HASPIN: variants seen among roughly 807,000 people sequenced by gnomAD.
HASPIN encodes serine/threonine-protein kinase haspin.
In HASPIN, 24 loss-of-function variants were observed where a neutral mutation model predicts 28.8. The observed-to-expected ratio is 0.83, with a 90% CI of 0.60 to 1.17. HASPIN has a LOEUF of 1.17. HASPIN is among the 50% of genes most tolerant of loss of function. The pLI is 0.00. For synonymous variants in HASPIN, 440 were observed against 413.1 expected, an observed-to-expected ratio of 1.07 and a Z score of -0.79; for missense variants, 1,016 against 1,018.5, an observed-to-expected ratio of 1.00 and a Z score of 0.03.
In HASPIN at chr17:3,724,564, T is replaced by C; in HGVS notation, c.629T>C (p.Val210Ala). Reference sequence around the variant, plus strand: ...CCGAGCGGCCTCCACCTCCCAGAAGTCTCCCTGGACCGAGCATCTCTCCCC... The same window carrying C: ...CCGAGCGGCCTCCACCTCCCAGAAGCCTCCCTGGACCGAGCATCTCTCCCC... ...AVPSGLHLPE[V>A]SLDRASLPCS... Residue 210 changes from valine to alanine, a missense_variant, in exon 1 of 1, where the codon GTC becomes GCC. Around this residue, in one of 3 missense-constraint regions of HASPIN, gnomAD observed 881 missense variants for 845.5 expected, o/e 1.04. Coordinates refer to ENST00000325418, the MANE Select transcript of HASPIN (RefSeq NM_031965.2). The C allele has an allele frequency of 1.2e-6, 2 of 1,613,904 alleles. No homozygotes were observed. Among genetic ancestry groups the C allele is most frequent in the South Asian group, 2.2e-5 (2 of 91,066 alleles).
In HASPIN at chr17:3,724,834, G is replaced by A; in HGVS notation, c.899G>A (p.Cys300Tyr). The A allele has an allele frequency of 1.2e-6, 2 of 1,614,144 alleles. No individual in the cohort carries two copies. The highest frequency in any genetic ancestry group is 1.7e-6 in the Non-Finnish European group (2 of 1,180,038). ...GKRRATGQDS[C>Y]QERGLQEAVR... is the part of the protein sequence containing the mutation. Reference sequence around the variant, plus strand: ...AGGAGGGCCACAGGCCAGGACTCTTGTCAAGAGAGAGGGCTTCAAGAGGCC... The same window carrying A: ...AGGAGGGCCACAGGCCAGGACTCTTATCAAGAGAGAGGGCTTCAAGAGGCC... The change falls in exon 1 of 1, where the codon TGT (cysteine) becomes TAT (tyrosine). Residue 300 changes from cysteine (C) to tyrosine (Y), a missense_variant. Around this residue, in one of 3 missense-constraint regions of HASPIN, gnomAD observed 881 missense variants for 845.5 expected, o/e 1.04. Coordinates refer to ENST00000325418, the MANE Select transcript of HASPIN (RefSeq NM_031965.2).
At position 3,724,312 on chromosome 17, in the gene HASPIN, G is replaced by T; in HGVS notation, c.377G>T (p.Cys126Phe). The change falls in exon 1 of 1, where the codon TGC becomes TTC. Residue 126 changes from cysteine to phenylalanine, a missense_variant. This residue lies in a region of HASPIN where 881 missense variants were observed against 845.5 expected (regional missense o/e 1.04). Transcript: ENST00000325418. ...CTGCGAGCTCGGCCCCCGCAGAAGT[G>T]CAGCACACCCTGCGGCCCGCTCCGA... ...LGLRARPPQK[C>F]STPCGPLRLP... 6.3e-7 allele frequency: 1 copy of T among 1,588,276 alleles called. No individual in the cohort carries two copies. The highest frequency in any genetic ancestry group is 1.3e-5 in the African/African-American group (1 of 74,682).
rs1407833321 is a variant in HASPIN at position 3,725,656 on chromosome 17, T to C, written c.1721T>C (p.Leu574Pro). ...CVQGSYPPLL[L>P]KAWDHYNSTK... ...CAGGGATCTTACCCTCCCTTGCTCC[T>C]CAAAGCCTGGGATCACTATAATTCA... The change falls in exon 1 of 1, where the codon CTC becomes CCC. Residue 574 changes from leucine (L) to proline (P), a missense_variant. Physicochemically the swap from Leu to Pro is moderately conservative, Grantham distance 98. This residue lies in a region of HASPIN where 881 missense variants were observed against 845.5 expected (regional missense o/e 1.04). Coordinates refer to ENST00000325418, the MANE Select transcript of HASPIN (RefSeq NM_031965.2). 1 of 1,598,644 alleles carries C rather than the reference T, an allele frequency of 6.3e-7. No homozygotes were observed. Among genetic ancestry groups the C allele is most frequent in the Non-Finnish European group, 8.5e-7 (1 of 1,170,904 alleles).
rs762081185 is a variant in HASPIN, at chr17:3,725,809, C to T, written c.1874C>T (p.Ala625Val). The T allele has an allele frequency of 6.2e-7, 1 of 1,611,374 alleles. No homozygotes were observed. Among genetic ancestry groups the T allele is most frequent in the East Asian group, 2.2e-5 (1 of 44,838 alleles). ...MRTKLSSLATAKSILHQLTAS... is the reference protein window; with the variant it reads ...MRTKLSSLATVKSILHQLTAS... Reference sequence around the variant, plus strand: ...ACCAAGTTGTCTTCCTTGGCTACTGCAAAGAGCATTCTACACCAGCTCACA... The same window carrying T: ...ACCAAGTTGTCTTCCTTGGCTACTGTAAAGAGCATTCTACACCAGCTCACA... The change falls in exon 1 of 1, where the codon GCA becomes GTA. Residue 625 changes from alanine to valine, a missense_variant. Ala to Val is a moderately conservative substitution (Grantham distance 64). This residue lies in a region of HASPIN where 881 missense variants were observed against 845.5 expected (regional missense o/e 1.04). Coordinates refer to ENST00000325418, the MANE Select transcript of HASPIN (RefSeq NM_031965.2).
rs746330551 is a variant in HASPIN, at chr17:3,724,584, C to T, written c.649C>T (p.Leu217Phe). Reference protein sequence around the residue: ...LPEVSLDRASLPCSQEEATGG... With the variant: ...LPEVSLDRASFPCSQEEATGG... ...AGAAGTCTCCCTGGACCGAGCATCT[C>T]TCCCCTGCTCCCAGGAGGAAGCGAC... Residue 217 changes from leucine (L) to phenylalanine (F), a missense_variant, in exon 1 of 1, where the codon CTC becomes TTC. Coordinates refer to ENST00000325418, the MANE Select transcript of HASPIN (RefSeq NM_031965.2). 5.6e-6 allele frequency: 9 copies of T among 1,614,224 alleles called. No homozygotes were observed. Among genetic ancestry groups the T allele is most frequent in the Non-Finnish European group, 6.8e-6 (8 of 1,180,038 alleles).
At position 3,724,496 on chromosome 17, in the gene HASPIN, C is replaced by T; in HGVS notation, c.561C>T (p.Ile187=). The T allele has an allele frequency of 6.2e-7, 1 of 1,614,000 alleles. No individual in the cohort carries two copies. Among genetic ancestry groups the T allele is most frequent in the Admixed American group, 1.7e-5 (1 of 60,036 alleles). Reference sequence around the variant, plus strand: ...CCCCAACGCCAAGGGACAGTGTCATCTCGATCGGCACCTCCGCCTGTCTGG... The same window carrying T: ...CCCCAACGCCAAGGGACAGTGTCATTTCGATCGGCACCTCCGCCTGTCTGG... ...PGSPTPRDSV[I]SIGTSACLVA... Residue 187 remains isoleucine (I), a synonymous_variant, in exon 1 of 1, where the codon ATC becomes ATT. Coordinates refer to ENST00000325418, the MANE Select transcript of HASPIN (RefSeq NM_031965.2).
In HASPIN at chr17:3,726,078, G is replaced by A. The variant is rs376754182; in HGVS notation, c.2143G>A (p.Gly715Ser). 1.1e-5 allele frequency: 17 copies of A among 1,614,168 alleles called. No individual in the cohort carries two copies. In the African/African-American group the frequency reaches 1.1e-4, roughly 10 times the overall value. The change falls in exon 1 of 1, where the codon GGT becomes AGT. Residue 715 changes from glycine (G) to serine (S), a missense_variant. Gly to Ser is a moderately conservative substitution (Grantham distance 56). Coordinates refer to ENST00000325418, the MANE Select transcript of HASPIN (RefSeq NM_031965.2). ...SMDEDLFTGD[G>S]DYQFDIYRLM... is the part of the protein sequence containing the mutation. ...GGATGAGGACCTGTTTACCGGTGAC[G>A]GTGACTACCAGTTTGACATCTACAG...
Position 3,726,340 on chromosome 17 carries a change from G to A in HASPIN, c.*8G>A, listed in dbSNP as rs2051213566. On this transcript the variant is annotated 3_prime_UTR_variant, in exon 1 of 1. Transcript: ENST00000325418. ...CACAGTCTGTTTAAGTAAGCTAAAT[G>A]TATCTTACTGCCCCGAAATGAGAGG... The A allele has an allele frequency of 1.3e-6, 2 of 1,562,962 alleles. No individual in the cohort carries two copies. Among genetic ancestry groups the A allele is most frequent in the South Asian group, 1.1e-5 (1 of 87,614 alleles).
In HASPIN at chr17:3,725,701, A is replaced by T; in HGVS notation, c.1766A>T (p.Asp589Val). 1 of 1,575,926 alleles carries T rather than the reference A, an allele frequency of 6.3e-7. No homozygotes were observed. The highest frequency in any genetic ancestry group is 8.6e-7 in the Non-Finnish European group (1 of 1,161,508). The change falls in exon 1 of 1, where the codon GAC becomes GTC. Residue 589 changes from aspartate to valine, a missense_variant. Coordinates refer to ENST00000325418, the MANE Select transcript of HASPIN (RefSeq NM_031965.2). ...AATTCAACCAAAGGCTCTGCAAATG[A>T]CCGGCCTGATTTTTTTAAAGACGAC... Reference protein sequence around the residue: ...HYNSTKGSANDRPDFFKDDQL... With the variant: ...HYNSTKGSANVRPDFFKDDQL...
Position 3,725,304 on chromosome 17 carries a change from G to T in HASPIN, c.1369G>T (p.Ala457Ser). The change falls in exon 1 of 1, where the codon GCA becomes TCA. Residue 457 changes from alanine to serine, a missense_variant. By Grantham distance (99) the Ala-to-Ser change is moderately conservative. Transcript: ENST00000325418. ...LNTLSISNKKASDAEKVYGEC... is the reference protein window; with the variant it reads ...LNTLSISNKKSSDAEKVYGEC... ...CACTCTAAGTATTTCAAACAAAAAG[G>T]CATCTGATGCTGAAAAGGTTTATGG... 3 of 1,614,164 alleles carry T rather than the reference G, an allele frequency of 1.9e-6. No homozygotes were observed. Among genetic ancestry groups the T allele is most frequent in the Non-Finnish European group, 1.7e-6 (2 of 1,180,032 alleles).
chr17:3,724,087 A>ACGCCAGCATCGG lies in HASPIN; in HGVS notation c.155_166dup (p.Ala52_Gly55dup). Reference sequence around the variant, plus strand: ...TTCTTCAACAGCAGCGGCAGCAGCGACGCCAGCATCGGCGACCCCTCGCAG... The same window carrying ACGCCAGCATCGG: ...TTCTTCAACAGCAGCGGCAGCAGCGACGCCAGCATCGGCGCCAGCATCGGCGACCCCTCGCAG... On this transcript the variant is annotated inframe_insertion, in exon 1 of 1. Transcript: ENST00000325418. 6.3e-7 allele frequency: 1 copy of ACGCCAGCATCGG among 1,595,970 alleles called. No homozygotes were observed. The highest frequency in any genetic ancestry group is 1.7e-4 in the Middle Eastern group (1 of 6,034).
At position 3,724,163 on chromosome 17, in the gene HASPIN, G is replaced by T. The variant is rs745336173; in HGVS notation, c.228G>T (p.Val76=). The change falls in exon 1 of 1, where the codon GTG becomes GTT. Residue 76 remains valine, a synonymous_variant. Transcript: ENST00000325418. ...ACCCCGACTTCCCCGGCAGCCCGGT[G>T]AGGCGGCGGCGGAGGCGTCCCGGCG... ...PDDPDFPGSP[V]RRRRRRPGGR... 1.4e-5 allele frequency: 22 copies of T among 1,593,912 alleles called. No homozygotes were observed. The highest frequency in any genetic ancestry group is 1.9e-5 in the Non-Finnish European group (22 of 1,176,976).
In HASPIN at chr17:3,726,438, G is replaced by T; in HGVS notation, c.*106G>T. ...GGAGGGTGGAACTCCCATTCTCACA[G>T]GTTTCCAGTCAGCTTTTCAAACAAG... On this transcript the variant is annotated 3_prime_UTR_variant, in exon 1 of 1. Coordinates refer to ENST00000325418, the MANE Select transcript of HASPIN (RefSeq NM_031965.2). The T allele has an allele frequency of 1.4e-6, 1 of 725,228 alleles. No homozygotes were observed. The highest frequency in any genetic ancestry group is 2.3e-6 in the Non-Finnish European group (1 of 429,546). 44.9% of individuals were successfully genotyped at this position (725,228 alleles called of 1,614,324 possible). A position where few individuals can be genotyped will look rare whatever the true frequency, so the allele number is the denominator to read the frequency against.
In HASPIN at chr17:3,725,202, C is replaced by G. The variant is rs771880078; in HGVS notation, c.1267C>G (p.Arg423Gly). 15 of 1,614,038 alleles carry G rather than the reference C, an allele frequency of 9.3e-6. No individual in the cohort carries two copies. Among genetic ancestry groups the G allele is most frequent in the African/African-American group, 1.3e-5 (1 of 74,900 alleles). Reference sequence around the variant, plus strand: ...ATCCCTCCTATCAGAATGTTCAAACCGGCCTGTCATGAACAGAACAAGTGG... The same window carrying G: ...ATCCCTCCTATCAGAATGTTCAAACGGGCCTGTCATGAACAGAACAAGTGG... Reference protein sequence around the residue: ...SGSLLSECSNRPVMNRTSGAP... With the variant: ...SGSLLSECSNGPVMNRTSGAP... Residue 423 changes from arginine (R) to glycine (G), a missense_variant, in exon 1 of 1, where the codon CGG becomes GGG. Around this residue, in one of 3 missense-constraint regions of HASPIN, gnomAD observed 881 missense variants for 845.5 expected, o/e 1.04. Transcript: ENST00000325418.
rs1375841218 is a variant in HASPIN, at chr17:3,725,856, G to A, written c.1921G>A (p.Ala641Thr). 1 of 1,602,466 alleles carries A rather than the reference G, an allele frequency of 6.2e-7. No homozygotes were observed. The highest frequency in any genetic ancestry group is 8.5e-7 in the Non-Finnish European group (1 of 1,176,270). The change falls in exon 1 of 1, where the codon GCA (alanine) becomes ACA (threonine). Residue 641 changes from alanine (A) to threonine (T), a missense_variant. By Grantham distance (58) the Ala-to-Thr change is moderately conservative. Around this residue, in one of 3 missense-constraint regions of HASPIN, gnomAD observed 881 missense variants for 845.5 expected, o/e 1.04. Coordinates refer to ENST00000325418, the MANE Select transcript of HASPIN (RefSeq NM_031965.2). ...QLTASLAVAE[A>T]SLRFEHRDLH... ...CACAGCCTCCCTCGCAGTGGCAGAG[G>A]CATCACTGCGCTTTGAGCACCGAGA...
rs771077732 is a variant in HASPIN, at chr17:3,723,915, A to C, written c.-21A>C. 10 of 1,539,000 alleles carry C rather than the reference A, an allele frequency of 6.5e-6. No homozygotes were observed. Among genetic ancestry groups the C allele is most frequent in the Admixed American group, 2.1e-5 (1 of 48,178 alleles). On this transcript the variant is annotated 5_prime_UTR_variant, in exon 1 of 1. Coordinates refer to ENST00000325418, the MANE Select transcript of HASPIN (RefSeq NM_031965.2). ...GAAGTCTCGCGATGTTTGCGTTTGAACCTCTTGGCGGGTGCCGGCCATGGC... is the reference window on the plus strand; with the variant it reads ...GAAGTCTCGCGATGTTTGCGTTTGACCCTCTTGGCGGGTGCCGGCCATGGC...
chr17:3,725,256 A>G lies in HASPIN; in HGVS notation c.1321A>G (p.Met441Val). Reference protein sequence around the residue: ...GAPSSWHSSSMYLLSPLNTLS... With the variant: ...GAPSSWHSSSVYLLSPLNTLS... ...TCCGTCCTCTTGGCACTCCTCCTCT[A>G]TGTATTTGCTAAGCCCCTTAAACAC... is the stretch of plus-strand genomic sequence containing the variant. Residue 441 changes from methionine (M) to valine (V), a missense_variant, in exon 1 of 1, where the codon ATG becomes GTG. Around this residue, in one of 3 missense-constraint regions of HASPIN, gnomAD observed 881 missense variants for 845.5 expected, o/e 1.04. Coordinates refer to ENST00000325418, the MANE Select transcript of HASPIN (RefSeq NM_031965.2). 6.2e-7 allele frequency: 1 copy of G among 1,614,148 alleles called. No individual in the cohort carries two copies. The highest frequency in any genetic ancestry group is 8.5e-7 in the Non-Finnish European group (1 of 1,180,014).
Position 3,724,994 on chromosome 17 carries a change from C to T in HASPIN, c.1059C>T (p.Ser353=). ...QEATETSLLH[S]HRFKKGQKLG... ...CAACGGAAACCTCTCTCCTCCATTCCCACCGCTTTAAAAAGGGCCAAAAGC... is the reference window on the plus strand; with the variant it reads ...CAACGGAAACCTCTCTCCTCCATTCTCACCGCTTTAAAAAGGGCCAAAAGC... The change falls in exon 1 of 1, where the codon TCC becomes TCT. Residue 353 remains serine (S), a synonymous_variant. Transcript: ENST00000325418. 1 of 1,614,206 alleles carries T rather than the reference C, an allele frequency of 6.2e-7. No individual in the cohort carries two copies. The highest frequency in any genetic ancestry group is 8.5e-7 in the Non-Finnish European group (1 of 1,180,038).
chr17:3,724,415 C>A lies in HASPIN; in HGVS notation c.480C>A (p.Asp160Glu). Reference sequence around the variant, plus strand: ...TGTGCGGCCAGCCCAGGGACGGCGACGAGCTGGGCATCAGTGCCTCCCTGT... The same window carrying A: ...TGTGCGGCCAGCCCAGGGACGGCGAAGAGCTGGGCATCAGTGCCTCCCTGT... Reference protein sequence around the residue: ...LSVCGQPRDGDELGISASLFS... With the variant: ...LSVCGQPRDGEELGISASLFS... The change falls in exon 1 of 1, where the codon GAC becomes GAA. Residue 160 changes from aspartate to glutamate, a missense_variant. Asp to Glu is a conservative substitution (Grantham distance 45). This residue lies in a region of HASPIN where 881 missense variants were observed against 845.5 expected (regional missense o/e 1.04). Transcript: ENST00000325418. The A allele has an allele frequency of 6.2e-7, 1 of 1,612,470 alleles. No homozygotes were observed. Among genetic ancestry groups the A allele is most frequent in the Admixed American group, 1.7e-5 (1 of 59,938 alleles).
Sources: gnomAD v4.1 joint callset for allele counts on GRCh38, gnomAD v4.1.1 for gene constraint, gnomAD v4.1.1 regional missense constraint, MANE v1.5 for transcripts, NCBI Gene and HGNC (gene_info 2026-07-23, HGNC 2026-07-21) for gene names.